Variants in BIRC3 observed in about 807,000 individuals in gnomAD.
BIRC3 encodes baculoviral IAP repeat containing 3.
In BIRC3, 26 loss-of-function variants were observed where a neutral mutation model predicts 59.0. The observed-to-expected ratio is 0.44, with a 90% confidence interval of 0.32 to 0.61. The LOEUF is 0.61. BIRC3 is among the 20% of genes least tolerant of loss of function. The pLI is 0.04. For missense variants in BIRC3, 641 were observed against 711.5 expected (o/e 0.90, Z 1.13); for synonymous variants, 243 against 249.2 (o/e 0.98, Z 0.24).
chr11:102,336,355 G>A, intron 7 of BIRC3, 135 bp downstream of exon 7: 1 of 1,037,060 alleles, frequency 9.6e-7, no homozygotes, highest in Non-Finnish European at 1.3e-6. Context: ...ACCTTGGGAG[G>A]CTGAGGCAGG....
At position 102,324,379 on chromosome 11, in the gene BIRC3, G is replaced by C; in HGVS notation, c.-131G>C. On this transcript the variant is annotated 5_prime_UTR_variant, in exon 2 of 9. Coordinates refer to ENST00000263464, the MANE Select transcript of BIRC3 (RefSeq NM_001165.5). ...TCCATGTTGAAACTCTAAATGCATA[G>C]AAATAAAAATAATAAAAAATTTTTC... is the stretch of plus-strand genomic sequence containing the variant. The C allele has an allele frequency of 9.6e-7, 1 of 1,037,356 alleles. No individual in the cohort carries two copies. Among genetic ancestry groups the C allele is most frequent in the South Asian group, 1.9e-5 (1 of 52,422 alleles). 64.3% of individuals were successfully genotyped at this position (1,037,356 alleles called of 1,614,324 possible).
rs12291368 is a variant in BIRC3 at position 102,332,907 on chromosome 11, C to T, written c.1324+1666C>T. On this transcript the variant is annotated intron_variant, in intron 6 of 8. Coordinates refer to ENST00000263464, the MANE Select transcript of BIRC3 (RefSeq NM_001165.5). The stretch of plus-strand genomic sequence containing the variant: ...AGCCTTCTTAGTGGTAGCCATTTGT[C>T]ATCAGCCAACAATTGCTCAAAGAAG... 6.8e-3 allele frequency among the ~76,000 whole-genome samples: 1,031 copies of T among 152,302 alleles called. 13 individuals are homozygous for T. Among genetic ancestry groups the T allele is most frequent in the African/African-American group, 0.023 (966 of 41,560 alleles).
Position 102,323,901 on chromosome 11 carries a change from G to C in BIRC3, c.-609G>C, listed in dbSNP as rs940348549. The C allele has an allele frequency of 4.9e-6, 1 of 202,898 alleles. No individual in the cohort carries two copies. Among genetic ancestry groups the C allele is most frequent in the African/African-American group, 2.3e-5 (1 of 43,586 alleles). The allele number at this position is 202,898 out of a possible 1,614,324, so 12.6% of individuals were successfully genotyped here. A position where few individuals can be genotyped will look rare whatever the true frequency, so the allele number is the denominator to read the frequency against. ...AATTATGAAATACTTCTTGATAACA[G>C]AAGTTTTAAAATAGCCATCTTAGAA... On this transcript the variant is annotated 5_prime_UTR_variant, in exon 2 of 9. Coordinates refer to ENST00000263464, the MANE Select transcript of BIRC3 (RefSeq NM_001165.5).
At chr11:102,325,623 T>A (rs1951073949) in intron 3 of BIRC3, 58 bp downstream of exon 3, 1 of 1,475,938 alleles carries the variant, frequency 6.8e-7, no homozygotes, top group Admixed American at 1.8e-5. Context: ...ATTGCTTATA[T>A]GTGTTCACCT....
rs1457079672 is a variant in BIRC3 at position 102,338,436 on chromosome 11, T to G, written c.*1334T>G. ...TAACAAATTTATTTAATCACAGATT[T>G]ACATCACCGGGGAGCCTTCGTAATG... On this transcript the variant is annotated 3_prime_UTR_variant, in exon 9 of 9. Coordinates refer to ENST00000263464, the MANE Select transcript of BIRC3 (RefSeq NM_001165.5). 8.7e-6 allele frequency: 2 copies of G among 229,694 alleles called. No individual in the cohort carries two copies. The highest frequency in any genetic ancestry group is 2.2e-5 in the African/African-American group (1 of 45,174). The allele number at this position is 229,694 out of a possible 1,614,324, so 14.2% of individuals were successfully genotyped here. A position where few individuals can be genotyped will look rare whatever the true frequency, so the allele number is the denominator to read the frequency against.
At chr11:102,328,864 AT>A (rs1309995856) in intron 4 of BIRC3, 32 bp from the exon 5 acceptor site, 1 of 720,878 alleles carries the variant, frequency 1.4e-6, no homozygotes, top group Non-Finnish European at 1.9e-6. Flanking sequence ...TAATTTATAT[AT>A]ATATATATAT....
At position 102,325,102 on chromosome 11, in the gene BIRC3, G is replaced by A. The variant is rs1438790963; in HGVS notation, c.593G>A (p.Gly198Glu). The change falls in exon 2 of 9, where the codon GGA (glycine) becomes GAA (glutamate). Residue 198 changes from glycine to glutamate, a missense_variant. By Grantham distance (98) the Gly-to-Glu change is moderately conservative. Around this residue, in one of 4 missense-constraint regions of BIRC3, gnomAD observed 329 missense variants for 365.6 expected, o/e 0.90. Transcript: ENST00000263464. ...GCAAAAGCAGGCTTTTACTACATAG[G>A]ACCTGGAGACAGAGTGGCTTGCTTT... ...DLAKAGFYYI[G>E]PGDRVACFAC... 5.0e-6 allele frequency: 8 copies of A among 1,614,178 alleles called. No individual in the cohort carries two copies. The highest frequency in any genetic ancestry group is 1.3e-5 in the African/African-American group (1 of 75,038).
rs1022049650 is a variant in BIRC3, at chr11:102,337,446, C to T, written c.*344C>T. 2.8e-5 allele frequency: 11 copies of T among 399,040 alleles called. No individual in the cohort carries two copies. Among genetic ancestry groups the T allele is most frequent in the East Asian group, 7.1e-5 (2 of 28,112 alleles). The allele number at this position is 399,040 out of a possible 1,614,324, so 24.7% of individuals were successfully genotyped here. A position where few individuals can be genotyped will look rare whatever the true frequency, so the allele number is the denominator to read the frequency against. On this transcript the variant is annotated 3_prime_UTR_variant, in exon 9 of 9. Coordinates refer to ENST00000263464, the MANE Select transcript of BIRC3 (RefSeq NM_001165.5). Reference sequence around the variant, plus strand: ...AAATATTTTGGCATTGTACTAATACCGGGAACATGAAGCCAGGTGTGGTGG... The same window carrying T: ...AAATATTTTGGCATTGTACTAATACTGGGAACATGAAGCCAGGTGTGGTGG...
chr11:102,320,100 C>T (rs1447016965), intron 1 of BIRC3: 1 of 152,016 alleles, frequency 6.6e-6, no homozygotes, highest in Non-Finnish European at 1.5e-5. Context: ...AACTCCTGAT[C>T]TCAAGTTATC....
At chr11:102,328,544 A>T (rs1170941242) in intron 4 of BIRC3, among the ~76,000 whole-genome samples, 1 of 150,804 alleles carries the variant, frequency 6.6e-6, no homozygotes, top group Non-Finnish European at 1.5e-5. Flanking sequence ...AAACTGATAC[A>T]GGGTCCAACT....
intron 1 of BIRC3, chr11:102,319,835 AG>A (rs1951012827): frequency 1.3e-5 from 2 of 152,278 alleles, no homozygotes; most frequent in African/African-American, 4.8e-5. Flanking sequence ...GAAGTGATCT[AG>A]GGTTGACATC....
chr11:102,331,002 T>A lies in BIRC3; in HGVS notation c.1085T>A (p.Ile362Asn). ...PGDENAESSI[I>N]HFEPGEDHSE... ...TTAAATTCTTTGTTCCATATAGTTATCCATTTTGAACCTGGAGAAGACCAT... is the reference window on the plus strand; with the variant it reads ...TTAAATTCTTTGTTCCATATAGTTAACCATTTTGAACCTGGAGAAGACCAT... Residue 362 changes from isoleucine to asparagine, a missense_variant, in exon 6 of 9, where the codon ATC (isoleucine) becomes AAC (asparagine). Ile to Asn is a moderately radical substitution (Grantham distance 149). Transcript: ENST00000263464. 6.2e-7 allele frequency: 1 copy of A among 1,610,088 alleles called. No individual in the cohort carries two copies.
intron 5 of BIRC3, among the ~76,000 whole-genome samples, chr11:102,329,779 C>T (rs959249156): frequency 6.6e-6 from 1 of 151,942 alleles, no homozygotes; most frequent in African/African-American, 2.4e-5. Flanking sequence ...ACACACAGGG[C>T]CTGTTGTGGG....
At chr11:102,334,640 A>G (rs1045071962) in intron 6 of BIRC3, among the ~76,000 whole-genome samples, 1 of 152,220 alleles carries the variant, frequency 6.6e-6, no homozygotes, top group Non-Finnish European at 1.5e-5. Flanking sequence ...TATTTTTTAG[A>G]AACAGCTTTA....
chr11:102,325,951 G>T (rs963087000), intron 3 of BIRC3, among the ~76,000 whole-genome samples: 4 of 151,946 alleles, frequency 2.6e-5, no homozygotes, highest in Non-Finnish European at 5.9e-5. Flanking sequence ...AAATGTATAT[G>T]ATACATATAC....
Position 102,324,507 on chromosome 11 carries a change from A to G in BIRC3, c.-3A>G. The G allele has an allele frequency of 1.2e-6, 2 of 1,604,244 alleles. No individual in the cohort carries two copies. Among genetic ancestry groups the G allele is most frequent in the South Asian group, 2.2e-5 (2 of 89,616 alleles). On this transcript the variant is annotated 5_prime_UTR_variant, in exon 2 of 9. Coordinates refer to ENST00000263464, the MANE Select transcript of BIRC3 (RefSeq NM_001165.5). ...GTCCCTTTTCTTCCCCATTCATTTC[A>G]TTATGAACATAGTAGAAAACAGCAT...
chr11:102,337,072 C>T lies in BIRC3; in HGVS notation c.1785C>T (p.Ile595=), dbSNP rs1212342135. Residue 595 remains isoleucine, a synonymous_variant, in exon 9 of 9, where the codon ATC becomes ATT. Transcript: ENST00000263464. ...AGTGTCCTATTTGTAGGAGTACAAT[C>T]AAGGGTACAGTTCGTACATTTCTTT... is the stretch of plus-strand genomic sequence containing the variant. ...LRKCPICRST[I]KGTVRTFLS 1 of 1,570,708 alleles carries T rather than the reference C, an allele frequency of 6.4e-7. No individual in the cohort carries two copies. The highest frequency in any genetic ancestry group is 1.2e-5 in the South Asian group (1 of 80,728).
In BIRC3 at chr11:102,336,014, T is replaced by C; in HGVS notation, c.1373T>C (p.Leu458Ser). The C allele has an allele frequency of 6.2e-7, 1 of 1,612,710 alleles. No homozygotes were observed. The highest frequency in any genetic ancestry group is 8.5e-7 in the Non-Finnish European group (1 of 1,179,370). ...RKNRMALFQH[L>S]TCVIPILDSL... ...AATAGAATGGCACTTTTTCAACATT[T>C]GACTTGTGTAATTCCAATCCTGGAT... The change falls in exon 7 of 9, where the codon TTG becomes TCG. Residue 458 changes from leucine (L) to serine (S), a missense_variant. Physicochemically the swap from Leu to Ser is moderately radical, Grantham distance 145. This residue lies in a region of BIRC3 where 268 missense variants were observed against 255.7 expected (regional missense o/e 1.05). Transcript: ENST00000263464.
At chr11:102,320,456 G>T (rs1438244354) in intron 1 of BIRC3, 6 of 151,938 alleles carry the variant, frequency 3.9e-5, no homozygotes, top group African/African-American at 1.5e-4. Context: ...ATGGTGTTTT[G>T]CCAAGTCACC....
Sources: allele counts gnomAD v4.1 joint callset (sites outside exome capture counted in the v4.1 genomes callset), GRCh38; gene constraint gnomAD v4.1.1; regional missense constraint gnomAD v4.1.1; transcripts MANE v1.5; gene names NCBI Gene and HGNC (gene_info 2026-07-23, HGNC 2026-07-21).